The following TRIM36 variants were observed in gnomAD, a reference collection of about 807,000 sequenced individuals.
The protein encoded by TRIM36 is tripartite motif containing 36, also known as E3 ubiquitin-protein ligase TRIM36.
A neutral mutation model predicts 72.4 loss-of-function variants in TRIM36; 42 were observed. That is an observed-to-expected ratio of 0.58 (90% CI 0.45 to 0.75). TRIM36 has a LOEUF of 0.75. TRIM36 is among the 30% of genes least tolerant of loss of function. The probability of loss-of-function intolerance (pLI) is 0.00; values close to 1 mark genes in which losing one functional copy is unlikely to be tolerated. For missense variants in TRIM36, 913 were observed against 857.1 expected (o/e 1.07, Z -0.81); for synonymous variants, 315 against 282.8 (o/e 1.11, Z -1.14).
chr5:115,131,805 T>G (rs1752695423), intron 8 of TRIM36, among the ~76,000 whole-genome samples: 2 of 152,316 alleles, frequency 1.3e-5, no homozygotes, highest in Middle Eastern at 6.8e-3. Flanking sequence ...TTATTCCAGT[T>G]ATATGAGATA....
chr5:115,169,623 A>G lies in TRIM36; in HGVS notation c.12T>C (p.Asp4=), dbSNP rs1318938026. MEG[D]GSDSPVTIKN... is the part of the protein sequence containing the mutation. ...CCGCACTCACCGGCGAATCTGAGCC[A>G]TCGCCCTCCATGGCTGCCTTCTGCC... The change falls in exon 1 of 10, where the codon GAT becomes GAC. Residue 4 remains aspartate, a synonymous_variant. Transcript: ENST00000513154. The G allele has an allele frequency of 5.2e-6, 8 of 1,524,430 alleles. No homozygotes were observed. The highest frequency in any genetic ancestry group is 7.0e-6 in the Non-Finnish European group (8 of 1,142,012). 94.4% of individuals were successfully genotyped at this position (1,524,430 alleles called of 1,614,324 possible).
In TRIM36 at chr5:115,163,734, C is replaced by T. The variant is rs111309779; in HGVS notation, c.46G>A (p.Glu16Lys). 23 of 1,614,034 alleles carry T rather than the reference C, an allele frequency of 1.4e-5. No homozygotes were observed. Among genetic ancestry groups the T allele is most frequent in the South Asian group, 1.2e-4 (11 of 91,068 alleles). Reference protein sequence around the residue: ...SDSPVTIKNIERELICPACKE... With the variant: ...SDSPVTIKNIKRELICPACKE... ...CATGCTGGGCAAATGAGCTCCCTTTCGATATTCTTAATGGTAACCTTGAGA... is the reference window on the plus strand; with the variant it reads ...CATGCTGGGCAAATGAGCTCCCTTTTGATATTCTTAATGGTAACCTTGAGA... The change falls in exon 2 of 10, where the codon GAA becomes AAA. Residue 16 changes from glutamate to lysine, a missense_variant. Glu to Lys is a moderately conservative substitution (Grantham distance 56). Coordinates refer to ENST00000513154, the MANE Select transcript of TRIM36 (RefSeq NM_001300759.2).
upstream of TRIM36, chr5:115,171,084 C>G (rs771729182): frequency 6.2e-7 from 1 of 1,614,038 alleles, no homozygotes; most frequent in African/African-American, 1.3e-5. Context: ...GACTACAGAG[C>G]TGTAGCGAGA....
intron 9 of TRIM36, among the ~76,000 whole-genome samples, chr5:115,130,108 A>C (rs1481331330): frequency 2.0e-5 from 3 of 152,206 alleles, no homozygotes; most frequent in Non-Finnish European, 4.4e-5. Flanking sequence ...ATCTAAAAGA[A>C]CTGAACTGTA....
intron 2 of TRIM36, among the ~76,000 whole-genome samples, chr5:115,151,406 C>T (rs1046788024): frequency 3.9e-5 from 6 of 152,124 alleles, no homozygotes; most frequent in South Asian, 2.1e-4. Flanking sequence ...AGCTCAGACA[C>T]GCCTCGCCCT....
At chr5:115,145,212 G>C (rs1433038198) in intron 3 of TRIM36, among the ~76,000 whole-genome samples, 1 of 152,136 alleles carries the variant, frequency 6.6e-6, no homozygotes, top group Non-Finnish European at 1.5e-5. Context: ...GTTGCTAAAA[G>C]AGTCTCAGAA....
chr5:115,130,483 C>G (rs1229466965), intron 9 of TRIM36, 109 bp downstream of exon 9: 8 of 1,288,656 alleles, frequency 6.2e-6, no homozygotes, highest in Non-Finnish European at 8.4e-6. Flanking sequence ...AGCCAAAATA[C>G]TAGAATCTAA....
upstream of TRIM36, among the ~76,000 whole-genome samples, chr5:115,172,779 C>T (rs1156554472): frequency 6.6e-6 from 1 of 151,804 alleles, no homozygotes; most frequent in Non-Finnish European, 1.5e-5. Context: ...CTGAATGCTG[C>T]CACTCTGGCC....
At chr5:115,161,089 GCTCT>G (rs1229972930) in intron 2 of TRIM36, among the ~76,000 whole-genome samples, 1 of 152,072 alleles carries the variant, frequency 6.6e-6, no homozygotes, top group African/African-American at 2.4e-5. Flanking sequence ...CCCTTTGGGT[GCTCT>G]CTCTTTGTTA....
At chr5:115,149,197 T>A (rs545841374) in intron 2 of TRIM36, 1 of 152,196 alleles carries the variant, frequency 6.6e-6, no homozygotes, top group Non-Finnish European at 1.5e-5. Context: ...TGCAATACAA[T>A]CCAAACTCTT....
Position 115,125,145 on chromosome 5 carries a change from A to C in TRIM36, c.*1358T>G, listed in dbSNP as rs1162076628. On this transcript the variant is annotated 3_prime_UTR_variant, in exon 10 of 10. Coordinates refer to ENST00000513154, the MANE Select transcript of TRIM36 (RefSeq NM_001300759.2). ...AAAAATATAACAACAAGGACAACCA[A>C]AAAAAACAGGCCTAAAAGTTTTGGT... The C allele has an allele frequency of 6.6e-6, 1 of 152,272 alleles. No individual in the cohort carries two copies. The highest frequency in any genetic ancestry group is 1.5e-5 in the Non-Finnish European group (1 of 67,946). 9.4% of individuals were successfully genotyped at this position (152,272 alleles called of 1,614,324 possible).
At chr5:115,170,955 A>G, upstream of TRIM36, 1 of 1,258,246 alleles carries the variant, frequency 7.9e-7, no homozygotes, top group Non-Finnish European at 1.1e-6. Flanking sequence ...TTCAGGACAC[A>G]CGGAGAACAA....
chr5:115,151,817 C>A (rs554340294), intron 2 of TRIM36, among the ~76,000 whole-genome samples: 1 of 152,160 alleles, frequency 6.6e-6, no homozygotes, highest in Non-Finnish European at 1.5e-5. Flanking sequence ...GAAGGCACAT[C>A]CATAGGAAAT....
chr5:115,141,190 A>G, intron 5 of TRIM36, 89 bp downstream of exon 5: 1 of 968,876 alleles, frequency 1.0e-6, no homozygotes, highest in Non-Finnish European at 1.5e-6. Context: ...CCCAGCTCAT[A>G]TAATACTCTC....
chr5:115,172,726 ACT>A (rs1755168952), upstream of TRIM36, among the ~76,000 whole-genome samples: 1 of 150,492 alleles, frequency 6.6e-6, no homozygotes, highest in Admixed American at 6.6e-5. Flanking sequence ...ACAGAGCGAG[ACT>A]CTGTCTCAAA....
intron 1 of TRIM36, among the ~76,000 whole-genome samples, chr5:115,178,049 T>G (rs547600940): frequency 6.8e-6 from 1 of 147,892 alleles, no homozygotes; most frequent in East Asian, 1.9e-4. Context: ...GGTTCTGCCC[T>G]ACTTCCCCAT....
chr5:115,168,621 G>C (rs545952450), intron 1 of TRIM36, among the ~76,000 whole-genome samples: 309 of 152,206 alleles, frequency 2.0e-3, no homozygotes, highest in African/African-American at 6.4e-3. Flanking sequence ...TGGGTGTTTC[G>C]ATGCAGTCTC....
chr5:115,144,374 C>T (rs1561430070), intron 4 of TRIM36, among the ~76,000 whole-genome samples: 1 of 152,046 alleles, frequency 6.6e-6, no homozygotes, highest in Non-Finnish European at 1.5e-5. Context: ...GAATTCAGAG[C>T]TAATACAACA....
intron 7 of TRIM36, 108 bp downstream of exon 7, chr5:115,136,892 A>G (rs2112797518): frequency 1.8e-6 from 2 of 1,124,024 alleles, no homozygotes; most frequent in East Asian, 5.2e-5. Context: ...AGTCCTGGGC[A>G]AGTGAGATGC....
Sources: gnomAD v4.1 joint callset for allele counts (sites outside exome capture counted in the v4.1 genomes callset) on GRCh38, gnomAD v4.1.1 for gene constraint, MANE v1.5 for transcripts, NCBI Gene and HGNC (gene_info 2026-07-23, HGNC 2026-07-21) for gene names.